The following THSD7A variants were observed in gnomAD, a reference collection of about 807,000 sequenced individuals.
The protein encoded by THSD7A is thrombospondin type 1 domain containing 7A.
In THSD7A, 96 loss-of-function variants were observed where a neutral mutation model predicts 231.3. That is an observed-to-expected ratio of 0.41 (90% CI 0.35 to 0.49). The LOEUF (loss-of-function observed/expected upper bound fraction) is 0.49. THSD7A is among the 20% of genes least tolerant of loss of function. The pLI is 0.05. For missense variants in THSD7A, 2,290 were observed against 2,070.2 expected (o/e 1.11, Z -2.06); for synonymous variants, 940 against 743.3 (o/e 1.26, Z -4.30).
At chr7:11,718,824 A>G (rs1326507083) in intron 1 of THSD7A, among the ~76,000 whole-genome samples, 1 of 151,740 alleles carries the variant, frequency 6.6e-6, no homozygotes, top group Non-Finnish European at 1.5e-5. Flanking sequence ...TCCAAATAAG[A>G]CAAAAAGTTT....
chr7:11,575,914 G>T (rs66), intron 4 of THSD7A, among the ~76,000 whole-genome samples: 96,680 of 152,036 alleles, frequency 0.64, 31,354 homozygotes, highest in African/African-American at 0.74. Context: ...CAGTTACAGT[G>T]TCTTTTTTAT....
chr7:11,716,139 C>G (rs180810898), intron 1 of THSD7A, among the ~76,000 whole-genome samples: 350 of 151,606 alleles, frequency 2.3e-3, no homozygotes, highest in African/African-American at 8.3e-3. Flanking sequence ...TACCTCCTGC[C>G]TTTTCCATTT....
chr7:11,515,190 T>C (rs917649700), intron 6 of THSD7A, among the ~76,000 whole-genome samples: 2 of 152,186 alleles, frequency 1.3e-5, no homozygotes, highest in Admixed American at 1.3e-4. Flanking sequence ...TTAGTTCCTG[T>C]TCAAACAATA....
rs921514204 is a variant in THSD7A, at chr7:11,370,523, C to G, written c.*5271G>C. ...TATGAAAATGTAAAAAAGCATATTA[C>G]ATCTTCACATGCCATCTGTATTGAC... On this transcript the variant is annotated 3_prime_UTR_variant, in exon 28 of 28. Transcript: ENST00000423059. The G allele has an allele frequency of 8.5e-5, 13 of 152,230 alleles. No individual in the cohort carries two copies. Among genetic ancestry groups the G allele is most frequent in the African/African-American group, 2.9e-4 (12 of 41,542 alleles). The allele number at this position is 152,230 out of a possible 1,614,324, so 9.4% of individuals were successfully genotyped here.
chr7:11,442,097 C>T (rs1433733233), intron 13 of THSD7A, among the ~76,000 whole-genome samples: 4 of 151,922 alleles, frequency 2.6e-5, no homozygotes, highest in Non-Finnish European at 5.9e-5. Context: ...GCAGATATGC[C>T]ATAAGTGTGT....
chr7:11,787,556 A>T (rs578041243), intron 1 of THSD7A, among the ~76,000 whole-genome samples: 2 of 152,208 alleles, frequency 1.3e-5, no homozygotes, highest in African/African-American at 2.4e-5. Flanking sequence ...TTAAAGCTCA[A>T]CAATAAGAAA....
At chr7:11,570,712 G>A (rs926578226) in intron 4 of THSD7A, among the ~76,000 whole-genome samples, 4 of 151,946 alleles carry the variant, frequency 2.6e-5, no homozygotes, top group Non-Finnish European at 4.4e-5. Flanking sequence ...CCTTTTAATT[G>A]GACACAAAGA....
intron 9 of THSD7A, among the ~76,000 whole-genome samples, chr7:11,468,621 G>A (rs903286888): frequency 1.3e-5 from 2 of 152,030 alleles, no homozygotes; most frequent in Admixed American, 6.6e-5. Flanking sequence ...ATCACTTGAG[G>A]CCAGGAGTTC....
chr7:11,376,069 C>G (rs912911181), intron 27 of THSD7A, among the ~76,000 whole-genome samples, 191 bp from the exon 28 acceptor site: 1 of 152,078 alleles, frequency 6.6e-6, no homozygotes, highest in African/African-American at 2.4e-5. Context: ...TGAATAAACT[C>G]TAAGTAAACT....
At chr7:11,413,588 C>T (rs1453592337) in intron 17 of THSD7A, among the ~76,000 whole-genome samples, 2 of 152,162 alleles carry the variant, frequency 1.3e-5, no homozygotes, top group African/African-American at 4.8e-5. Flanking sequence ...TCGGGGTGAG[C>T]TAACTTCAAG....
chr7:11,393,279 C>G (rs1783055362), intron 23 of THSD7A, among the ~76,000 whole-genome samples: 1 of 152,032 alleles, frequency 6.6e-6, no homozygotes. Context: ...AGACCTGCAG[C>G]AGAGGGTCCT....
intron 1 of THSD7A, among the ~76,000 whole-genome samples, chr7:11,643,997 C>A (rs1584136441): frequency 6.6e-6 from 1 of 151,584 alleles, no homozygotes; most frequent in Admixed American, 6.6e-5. Context: ...GTCTGAGCTC[C>A]TATTGGAGAA....
At chr7:11,554,831 C>T (rs188295316) in intron 4 of THSD7A, among the ~76,000 whole-genome samples, 338 of 151,762 alleles carry the variant, frequency 2.2e-3, no homozygotes, top group African/African-American at 7.9e-3. Flanking sequence ...TGGTAGGTTG[C>T]AATTTATTTT....
chr7:11,425,487 A>G (rs1784287825), intron 15 of THSD7A, among the ~76,000 whole-genome samples: 1 of 152,112 alleles, frequency 6.6e-6, no homozygotes, highest in East Asian at 1.9e-4. Flanking sequence ...ACATGAAACA[A>G]GGCAAATTGT....
intron 1 of THSD7A, among the ~76,000 whole-genome samples, chr7:11,663,422 A>G (rs1584169997): frequency 6.6e-6 from 1 of 151,670 alleles, no homozygotes; most frequent in East Asian, 1.9e-4. Flanking sequence ...ATTCATCCAA[A>G]CATCCAAAGG....
At chr7:11,785,277 G>A (rs1783753583) in intron 1 of THSD7A, among the ~76,000 whole-genome samples, 1 of 151,940 alleles carries the variant, frequency 6.6e-6, no homozygotes, top group Admixed American at 6.6e-5. Flanking sequence ...AAGTTGGAGT[G>A]CAGTGCTATT....
intron 6 of THSD7A, among the ~76,000 whole-genome samples, chr7:11,525,270 T>G (rs28372657): frequency 0.28 from 42,969 of 151,996 alleles, 6,993 homozygotes; most frequent in Non-Finnish European, 0.37. Context: ...TGAAGTTATT[T>G]AAATTCACCC....
chr7:11,374,618 C>CTTT lies in THSD7A; in HGVS notation c.*1175_*1176insAAA, dbSNP rs770669386. 2.2e-5 allele frequency: 1 copy of CTTT among 46,486 alleles called. No individual in the cohort carries two copies. Among genetic ancestry groups the CTTT allele is most frequent in the African/African-American group, 1.5e-4 (1 of 6,476 alleles). 2.9% of individuals were successfully genotyped at this position (46,486 alleles called of 1,614,324 possible). A position where few individuals can be genotyped will look rare whatever the true frequency, so the allele number is the denominator to read the frequency against. On this transcript the variant is annotated 3_prime_UTR_variant, in exon 28 of 28. Transcript: ENST00000423059. ...CTCAAAATTAAAAAGACATCCAGTTCCTTTTTCTTTTTTTTTCTTAACAAA... is the reference window on the plus strand; with the variant it reads ...CTCAAAATTAAAAAGACATCCAGTTCTTTCTTTTTCTTTTTTTTTCTTAACAAA...
chr7:11,407,480 GA>G (rs1302891149), intron 19 of THSD7A, 57 bp from the exon 20 acceptor site: 15 of 1,285,302 alleles, frequency 1.2e-5, no homozygotes, highest in Admixed American at 2.0e-5. Context: ...GGGAGCCAGA[GA>G]ATGAGGTGAC....
Sources: gnomAD v4.1 joint callset for allele counts (sites outside exome capture counted in the v4.1 genomes callset) on GRCh38, gnomAD v4.1.1 for gene constraint, MANE v1.5 for transcripts, NCBI Gene and HGNC (gene_info 2026-07-23, HGNC 2026-07-21) for gene names.